Variants in MRPS16 observed in about 807,000 individuals in gnomAD.
MRPS16 encodes mitochondrial ribosomal protein S16.
MRPS16 carries 5 observed loss-of-function variants against 11.0 expected under a neutral mutation model. The observed-to-expected ratio is 0.46, with a 90% CI of 0.24 to 0.96. The LOEUF (loss-of-function observed/expected upper bound fraction) is 0.96, where lower values mean the gene tolerates loss of function less well. Among genes scored for constraint, MRPS16 ranks in the 40% least tolerant of loss-of-function variants. The pLI is 0.20. For synonymous variants in MRPS16, 76 were observed against 65.0 expected, an observed-to-expected ratio of 1.17 and a Z score of -0.81; for missense variants, 179 against 174.4, an observed-to-expected ratio of 1.03 and a Z score of -0.15.
Position 73,250,781 on chromosome 10 carries a change from T to G in MRPS16, c.*71A>C. 2.5e-6 allele frequency: 4 copies of G among 1,586,558 alleles called. No homozygotes were observed. Among genetic ancestry groups the G allele is most frequent in the South Asian group, 1.1e-5 (1 of 90,322 alleles). On this transcript the variant is annotated 3_prime_UTR_variant, in exon 3 of 3. Transcript: ENST00000372945. ...TATTGAACTCCAAATCTAACAAAAT[T>G]AAGATCGCTGCAGTGTTTCAAAAGG...
In MRPS16 at chr10:73,252,592, A is replaced by T. The variant is rs866946627; in HGVS notation, c.-110T>A. 8 of 1,482,618 alleles carry T rather than the reference A, an allele frequency of 5.4e-6. No homozygotes were observed. Among genetic ancestry groups the T allele is most frequent in the Non-Finnish European group, 6.4e-6 (7 of 1,095,528 alleles). The allele number at this position is 1,482,618 out of a possible 1,614,324, so 91.8% of individuals were successfully genotyped here. A position where few individuals can be genotyped will look rare whatever the true frequency, so the allele number is the denominator to read the frequency against. ...CAGAAAGAACCTGCAAGCCGACACC[A>T]GGCCGCACCGCCAAGCGGTACAAGC... On this transcript the variant is annotated 5_prime_UTR_variant, in exon 1 of 3. Transcript: ENST00000372945.
At chr10:73,251,500 C>T (rs927601993) in intron 2 of MRPS16, among the ~76,000 whole-genome samples, 1 of 152,134 alleles carries the variant, frequency 6.6e-6, no homozygotes, top group African/African-American at 2.4e-5. Context: ...CTCAGCCTCC[C>T]CAGTAGCTGA....
rs752449779 is a variant in MRPS16 at position 73,251,178 on chromosome 10, A to AT, written c.275-188dup. Among the ~76,000 whole-genome samples, 11 of 152,226 alleles carry AT rather than the reference A, an allele frequency of 7.2e-5. No homozygotes were observed. In the South Asian group the frequency reaches 2.3e-3, roughly 32 times the overall value. ...ACAGTGGATGTCTACTTCCCTAACA[A>AT]TATTCCCCTTACTTTAAAAAACGTA... On this transcript the variant is annotated intron_variant, in intron 2 of 2. Coordinates refer to ENST00000372945, the MANE Select transcript of MRPS16 (RefSeq NM_016065.4).
rs1589210424 is a variant in MRPS16 at position 73,250,788 on chromosome 10, G to A, written c.*64C>T. ...CTCCAAATCTAACAAAATTAAGATC[G>A]CTGCAGTGTTTCAAAAGGACCTTGA... is the stretch of plus-strand genomic sequence containing the variant. On this transcript the variant is annotated 3_prime_UTR_variant, in exon 3 of 3. Transcript: ENST00000372945. 4.4e-6 allele frequency: 7 copies of A among 1,588,420 alleles called. No homozygotes were observed. In the East Asian group the frequency reaches 6.7e-5, roughly 15 times the overall value.
chr10:73,250,898 T>C lies in MRPS16; in HGVS notation c.368A>G (p.Gln123Arg). 1 of 1,614,238 alleles carries C rather than the reference T, an allele frequency of 6.2e-7. No homozygotes were observed. The highest frequency in any genetic ancestry group is 8.5e-7 in the Non-Finnish European group (1 of 1,180,032). ...ATCTGTAGCTTCTGCATCTGTTTTC[T>C]GAGAAGCTAACAGGACTTCACGTGC... The part of the protein sequence containing the change: ...KRAREVLLAS[Q>R]KTDAEATDTE... Residue 123 changes from glutamine to arginine, a missense_variant, in exon 3 of 3, where the codon CAG becomes CGG. By Grantham distance (43) the Gln-to-Arg change is conservative. Coordinates refer to ENST00000372945, the MANE Select transcript of MRPS16 (RefSeq NM_016065.4).
chr10:73,251,033 G>T, intron 2 of MRPS16, 42 bp from the exon 3 acceptor site: 1 of 1,608,556 alleles, frequency 6.2e-7, no homozygotes. Flanking sequence ...CACAGTATAA[G>T]CCAATGCTTC....
At chr10:73,252,132 C>T in intron 1 of MRPS16, 109 bp from the exon 2 acceptor site, 3 of 1,460,588 alleles carry the variant, frequency 2.1e-6, no homozygotes, top group Non-Finnish European at 2.8e-6. Context: ...CCAATCCATT[C>T]CTGTCAATCC....
Position 73,249,169 on chromosome 10 carries a change from C to T in MRPS16, c.*1683G>A. On this transcript the variant is annotated 3_prime_UTR_variant, in exon 3 of 3. Coordinates refer to ENST00000372945, the MANE Select transcript of MRPS16 (RefSeq NM_016065.4). ...CTGGCTTCAAGTGATCCTTCCACCT[C>T]AGCCTCCCAAAGTGCTGAGATTACA... The T allele has an allele frequency of 2.1e-6, 2 of 959,656 alleles. No homozygotes were observed. Among genetic ancestry groups the T allele is most frequent in the Non-Finnish European group, 3.2e-6 (2 of 630,528 alleles). The allele number at this position is 959,656 out of a possible 1,614,324, so 59.4% of individuals were successfully genotyped here.
At position 73,251,788 on chromosome 10, in the gene MRPS16, G is replaced by A. The variant is rs1381362692; in HGVS notation, c.249C>T (p.Leu83=). Residue 83 remains leucine (L), a synonymous_variant, in exon 2 of 3, where the codon CTC becomes CTT. Coordinates refer to ENST00000372945, the MANE Select transcript of MRPS16 (RefSeq NM_016065.4). ...CCAGAAGCTTTTCCATAGGCTTAGA[G>A]AGGTGGGCCCCGCAGCCAATCCAAT... ...IRHWIGCGAH[L]SKPMEKLLGL... 1 of 1,614,228 alleles carries A rather than the reference G, an allele frequency of 6.2e-7. No individual in the cohort carries two copies. The highest frequency in any genetic ancestry group is 2.2e-5 in the East Asian group (1 of 44,886).
chr10:73,249,420 A>G lies in MRPS16; in HGVS notation c.*1432T>C. 8.6e-7 allele frequency: 1 copy of G among 1,162,444 alleles called. No individual in the cohort carries two copies. 72.0% of individuals were successfully genotyped at this position (1,162,444 alleles called of 1,614,324 possible). ...AGATCCCTTATAGATTACTGGCATC[A>G]AGGTAGGAAGGAAAAGATACAAGAA... On this transcript the variant is annotated 3_prime_UTR_variant, in exon 3 of 3. Coordinates refer to ENST00000372945, the MANE Select transcript of MRPS16 (RefSeq NM_016065.4).
chr10:73,252,082 A>G lies in MRPS16; in HGVS notation c.14-59T>C, dbSNP rs546453513. ...CAGCACAAAAAGGACAAAATGACAC[A>G]GACGGCACAATTCCCTTTTCCCACT... is the stretch of plus-strand genomic sequence containing the variant. On this transcript the variant is annotated intron_variant, in intron 1 of 2. Transcript: ENST00000372945. The G allele has an allele frequency of 5.1e-6, 8 of 1,573,274 alleles. No homozygotes were observed. The African/African-American group carries it at 1.1e-4, about 21-fold the overall frequency.
chr10:73,249,276 T>C lies in MRPS16; in HGVS notation c.*1576A>G. 1.3e-6 allele frequency: 2 copies of C among 1,549,262 alleles called. No homozygotes were observed. Among genetic ancestry groups the C allele is most frequent in the Non-Finnish European group, 1.7e-6 (2 of 1,146,180 alleles). On this transcript the variant is annotated 3_prime_UTR_variant, in exon 3 of 3. Coordinates refer to ENST00000372945, the MANE Select transcript of MRPS16 (RefSeq NM_016065.4). Reference sequence around the variant, plus strand: ...CAAATTCTTGATGTTGAATTTCATCTCACTGACTTCAGGCTTTTAAAACAC... The same window carrying C: ...CAAATTCTTGATGTTGAATTTCATCCCACTGACTTCAGGCTTTTAAAACAC...
Position 73,250,770 on chromosome 10 carries a change from T to C in MRPS16, c.*82A>G. The stretch of plus-strand genomic sequence containing the variant: ...GATACTCCATTTATTGAACTCCAAA[T>C]CTAACAAAATTAAGATCGCTGCAGT... On this transcript the variant is annotated 3_prime_UTR_variant, in exon 3 of 3. Transcript: ENST00000372945. 6.4e-7 allele frequency: 1 copy of C among 1,570,834 alleles called. No individual in the cohort carries two copies. The highest frequency in any genetic ancestry group is 1.1e-5 in the South Asian group (1 of 89,802).
At chr10:73,252,305 G>A (rs1025340074) in intron 1 of MRPS16, 165 bp downstream of exon 1, 12 of 1,191,458 alleles carry the variant, frequency 1.0e-5, no homozygotes, top group African/African-American at 1.5e-5. Context: ...TTTTTCAGCG[G>A]TGATTAAGTG....
chr10:73,251,524 T>C (rs549157948), intron 2 of MRPS16, among the ~76,000 whole-genome samples: 35 of 152,002 alleles, frequency 2.3e-4, no homozygotes, highest in African/African-American at 7.7e-4. Flanking sequence ...TACAGGTGCG[T>C]GTCACCACGC....
rs761827435 is a variant in MRPS16, at chr10:73,250,997, AG to A, written c.275-7del. ...AGGGAAAAAGCCAGCAAGACCTAAA[AG>A]TAACAGATTTTTCACTTATTATAAC... On this transcript the variant is annotated splice_polypyrimidine_tract_variant and splice_region_variant and intron_variant, in intron 2 of 2. Transcript: ENST00000372945. 4 of 1,614,084 alleles carry A rather than the reference AG, an allele frequency of 2.5e-6. No individual in the cohort carries two copies. Among genetic ancestry groups the A allele is most frequent in the East Asian group, 4.5e-5 (2 of 44,888 alleles).
In MRPS16 at chr10:73,249,454, C is replaced by T; in HGVS notation, c.*1398G>A. On this transcript the variant is annotated 3_prime_UTR_variant, in exon 3 of 3. Coordinates refer to ENST00000372945, the MANE Select transcript of MRPS16 (RefSeq NM_016065.4). ...AGGAAAAGATACAAGAAGTAAAATG[C>T]AACACTCATTACAGGTTGTCAACAT... is the stretch of plus-strand genomic sequence containing the variant. The T allele has an allele frequency of 1.2e-6, 1 of 835,434 alleles. No homozygotes were observed. The highest frequency in any genetic ancestry group is 3.6e-4 in the Middle Eastern group (1 of 2,800). 51.8% of individuals were successfully genotyped at this position (835,434 alleles called of 1,614,324 possible).
rs2044139702 is a variant in MRPS16, at chr10:73,252,637, A to G, written c.-155T>C. ...ACAAGCCCGAAAACCTCGACTCCGG[A>G]AGCGGATGATCCGCTCGCCACGCCT... On this transcript the variant is annotated 5_prime_UTR_variant, in exon 1 of 3. Coordinates refer to ENST00000372945, the MANE Select transcript of MRPS16 (RefSeq NM_016065.4). 5.6e-6 allele frequency: 6 copies of G among 1,072,670 alleles called. No homozygotes were observed. The South Asian group carries it at 8.3e-5, about 15-fold the overall frequency. The allele number at this position is 1,072,670 out of a possible 1,614,324, so 66.4% of individuals were successfully genotyped here. A position where few individuals can be genotyped will look rare whatever the true frequency, so the allele number is the denominator to read the frequency against.
In MRPS16 at chr10:73,252,571, A is replaced by G. The variant is rs2044136704; in HGVS notation, c.-89T>C. The G allele has an allele frequency of 6.5e-7, 1 of 1,545,506 alleles. No individual in the cohort carries two copies. The highest frequency in any genetic ancestry group is 1.4e-5 in the African/African-American group (1 of 73,668). On this transcript the variant is annotated 5_prime_UTR_variant, in exon 1 of 3. Coordinates refer to ENST00000372945, the MANE Select transcript of MRPS16 (RefSeq NM_016065.4). ...TGGCAGGGCAGAGAACAAACACAGA[A>G]AGAACCTGCAAGCCGACACCAGGCC...
Sources: gnomAD v4.1 joint callset for allele counts (sites outside exome capture counted in the v4.1 genomes callset) on GRCh38, gnomAD v4.1.1 for gene constraint, MANE v1.5 for transcripts, NCBI Gene and HGNC (gene_info 2026-07-23, HGNC 2026-07-21) for gene names.